SH3PXD2A: variants seen among roughly 807,000 people sequenced by gnomAD.
SH3PXD2A encodes SH3 and PX domains 2A, also known as SH3 and PX domain-containing protein 2A.
In SH3PXD2A, 32 loss-of-function variants were observed where a neutral mutation model predicts 115.2. The ratio of observed to expected loss-of-function variants is 0.28; its 90% CI spans 0.21 to 0.37. The LOEUF (loss-of-function observed/expected upper bound fraction) is 0.37. SH3PXD2A is among the 10% of genes least tolerant of loss of function. SH3PXD2A has a pLI of 1.00. For missense variants in SH3PXD2A, 1,328 were observed against 1,498.7 expected (o/e 0.89, Z 1.88); for synonymous variants, 610 against 629.1 (o/e 0.97, Z 0.45).
chr10:103,613,229 C>A (rs12780395), intron 11 of SH3PXD2A, 39 bp from the exon 12 acceptor site: 1 of 1,470,002 alleles, frequency 6.8e-7, no homozygotes, highest in Admixed American at 2.1e-5. Context: ...TTAGAGCACT[C>A]TGACCTCACA....
chr10:103,608,554 C>G (rs925811532), intron 13 of SH3PXD2A: 13 of 150,930 alleles, frequency 8.6e-5, no homozygotes, highest in South Asian at 4.2e-4. Context: ...ACCTTATTTC[C>G]ATTCTGCCAG....
Position 103,775,315 on chromosome 10 carries a change from G to A in SH3PXD2A, c.154-8146C>T, listed in dbSNP as rs115606088. ...TACCACATCAGCAGGTTTCAGGAGTGTCAGTCATGGTCTGTGATCCGAGTG... is the reference window on the plus strand; with the variant it reads ...TACCACATCAGCAGGTTTCAGGAGTATCAGTCATGGTCTGTGATCCGAGTG... On this transcript the variant is annotated intron_variant, in intron 2 of 14. Transcript: ENST00000369774. 4.8e-3 allele frequency among the ~76,000 whole-genome samples: 730 copies of A among 152,268 alleles called. 9 individuals carry two copies. The highest frequency in any genetic ancestry group is 0.016 in the African/African-American group (681 of 41,532).
intron 5 of SH3PXD2A, among the ~76,000 whole-genome samples, chr10:103,705,565 G>A (rs939090673): frequency 2.0e-5 from 3 of 152,196 alleles, no homozygotes; most frequent in African/African-American, 7.2e-5. Context: ...AGAAATGGAG[G>A]ATCAGAGAGA....
At chr10:103,825,304 A>AT (rs1476262642) in intron 1 of SH3PXD2A, among the ~76,000 whole-genome samples, 1 of 151,920 alleles carries the variant, frequency 6.6e-6, no homozygotes, top group African/African-American at 2.4e-5. Context: ...CGCCCATTAC[A>AT]TTTTCTTTTC....
chr10:103,639,936 A>G (rs1391675792), intron 8 of SH3PXD2A, among the ~76,000 whole-genome samples: 2 of 152,158 alleles, frequency 1.3e-5, no homozygotes, highest in East Asian at 1.9e-4. Context: ...AGACACTTAC[A>G]TTCTCAGAGG....
intron 3 of SH3PXD2A, among the ~76,000 whole-genome samples, chr10:103,762,068 G>T (rs1024843408): frequency 7.2e-6 from 1 of 138,708 alleles, no homozygotes; most frequent in African/African-American, 2.7e-5. Flanking sequence ...TGTCACCCAG[G>T]CTGGAGTGCA....
chr10:103,780,809 T>G (rs1225236566), intron 2 of SH3PXD2A, among the ~76,000 whole-genome samples: 2 of 152,350 alleles, frequency 1.3e-5, no homozygotes, highest in South Asian at 4.2e-4. Context: ...AGTGCTAAGT[T>G]TGAACCAGTC....
chr10:103,674,265 T>C (rs906924045), intron 6 of SH3PXD2A, among the ~76,000 whole-genome samples: 3 of 152,222 alleles, frequency 2.0e-5, no homozygotes, highest in African/African-American at 7.2e-5. Context: ...TAACAGTAAT[T>C]GTCATTGTTG....
chr10:103,607,163 G>C (rs558538271), intron 13 of SH3PXD2A, among the ~76,000 whole-genome samples: 3 of 151,498 alleles, frequency 2.0e-5, no homozygotes, highest in African/African-American at 7.3e-5. Context: ...TCTGGGATGT[G>C]AGGAGCGCCT....
chr10:103,840,171 G>A (rs1310441143), intron 1 of SH3PXD2A, among the ~76,000 whole-genome samples: 1 of 152,210 alleles, frequency 6.6e-6, no homozygotes, highest in East Asian at 1.9e-4. Flanking sequence ...ACAATAAACT[G>A]AACAGGGCAG....
At chr10:103,775,060 G>A (rs1390187409) in intron 2 of SH3PXD2A, among the ~76,000 whole-genome samples, 2 of 152,188 alleles carry the variant, frequency 1.3e-5, no homozygotes, top group Non-Finnish European at 2.9e-5. Context: ...GGGAGAGAGC[G>A]AGAGGAGAGA....
chr10:103,710,160 AGGTG>A (rs1388394425), intron 5 of SH3PXD2A, among the ~76,000 whole-genome samples: 1 of 152,018 alleles, frequency 6.6e-6, no homozygotes, highest in East Asian at 1.9e-4. Context: ...TGGGAGGCCA[AGGTG>A]GGTGGATCAC....
intron 3 of SH3PXD2A, among the ~76,000 whole-genome samples, chr10:103,738,745 G>A (rs2038409050): frequency 1.3e-5 from 2 of 152,056 alleles, no homozygotes; most frequent in Non-Finnish European, 2.9e-5. Flanking sequence ...GTTAGCCAAA[G>A]CTCTGGCTGA....
intron 7 of SH3PXD2A, among the ~76,000 whole-genome samples, chr10:103,662,282 A>G (rs1434472941): frequency 8.4e-6 from 1 of 119,610 alleles, no homozygotes; most frequent in East Asian, 2.9e-4. Context: ...TTCCTAGCTG[A>G]GTGGCACTGG....
intron 6 of SH3PXD2A, among the ~76,000 whole-genome samples, chr10:103,686,089 A>T (rs1265679386): frequency 6.6e-6 from 1 of 152,228 alleles, no homozygotes; most frequent in Non-Finnish European, 1.5e-5. Context: ...CTCAGCTAAT[A>T]ATACAGTTTT....
intron 8 of SH3PXD2A, among the ~76,000 whole-genome samples, chr10:103,652,170 T>C (rs1413056149): frequency 1.3e-5 from 2 of 152,208 alleles, no homozygotes; most frequent in East Asian, 3.8e-4. Context: ...AGTGTGGAGC[T>C]GGGGCTAAGA....
intron 8 of SH3PXD2A, among the ~76,000 whole-genome samples, chr10:103,650,797 A>G (rs1176421592): frequency 6.6e-6 from 1 of 152,158 alleles, no homozygotes; most frequent in East Asian, 1.9e-4. Context: ...TGCACACTGT[A>G]GGTGCAGAGT....
chr10:103,633,727 CAAAAAAAAAAAAAA>C (rs35917262), intron 8 of SH3PXD2A, among the ~76,000 whole-genome samples: 9 of 74,320 alleles, frequency 1.2e-4, no homozygotes, highest in Admixed American at 1.0e-3. Flanking sequence ...GATTCTGTCT[CAAAAAAAAAAAAAA>C]AAAAAAAAAA....
Position 103,739,066 on chromosome 10 carries a change from G to T in SH3PXD2A, c.230-3258C>A, listed in dbSNP as rs551748139. On this transcript the variant is annotated intron_variant, in intron 3 of 14. Coordinates refer to ENST00000369774, the MANE Select transcript of SH3PXD2A (RefSeq NM_001394015.1). The stretch of plus-strand genomic sequence containing the variant: ...CCTTGGCCTCCCAAAGTGCTGGGAA[G>T]AACTCATTTTAAAAACTAGTTAAGG... Among the ~76,000 whole-genome samples the T allele has an allele frequency of 2.6e-5, 4 of 152,286 alleles. No homozygotes were observed. In the South Asian group the frequency reaches 6.2e-4, roughly 24 times the overall value.
Sources: allele counts gnomAD v4.1 joint callset (sites outside exome capture counted in the v4.1 genomes callset), GRCh38; gene constraint gnomAD v4.1.1; transcripts MANE v1.5; gene names NCBI Gene and HGNC (gene_info 2026-07-23, HGNC 2026-07-21).